Variants in RSPO2 observed in about 807,000 individuals in gnomAD.
RSPO2 encodes the protein R-spondin 2, also known as R-spondin-2.
RSPO2 carries 14 observed loss-of-function variants against 30.9 expected under a neutral mutation model. That is an observed-to-expected ratio of 0.45 (90% CI 0.30 to 0.71). The LOEUF (loss-of-function observed/expected upper bound fraction) is 0.71. Among genes scored for constraint, RSPO2 ranks in the 30% least tolerant of loss-of-function variants. The pLI is 0.08. For synonymous variants in RSPO2, 107 were observed against 96.4 expected, an observed-to-expected ratio of 1.11 and a Z score of -0.64; for missense variants, 264 against 301.9, an observed-to-expected ratio of 0.87 and a Z score of 0.93.
At chr8:107,933,822 C>A (rs1346241942) in intron 5 of RSPO2, among the ~76,000 whole-genome samples, 2 of 151,958 alleles carry the variant, frequency 1.3e-5, no homozygotes, top group Non-Finnish European at 2.9e-5. Flanking sequence ...GTACTTGGAC[C>A]CAATAATCTA....
intron 2 of RSPO2, among the ~76,000 whole-genome samples, chr8:108,005,236 C>A (rs1554581154): frequency 6.6e-6 from 1 of 152,114 alleles, no homozygotes; most frequent in Admixed American, 6.5e-5. Context: ...GTGATGCTAA[C>A]TTTGATCACT....
chr8:107,946,276 T>C (rs1030000139), intron 5 of RSPO2, among the ~76,000 whole-genome samples: 4 of 152,236 alleles, frequency 2.6e-5, no homozygotes, highest in Admixed American at 6.5e-5. Context: ...GTCTGGTTCA[T>C]ACATTTTAGG....
intron 5 of RSPO2, among the ~76,000 whole-genome samples, chr8:107,902,966 A>C (rs1421156114): frequency 2.0e-5 from 3 of 152,112 alleles, no homozygotes; most frequent in African/African-American, 7.2e-5. Flanking sequence ...ATGAAACCTT[A>C]GTTCAAGCCA....
intron 2 of RSPO2, among the ~76,000 whole-genome samples, chr8:108,035,314 G>T (rs1403940645): frequency 1.3e-5 from 2 of 152,102 alleles, no homozygotes; most frequent in Admixed American, 1.3e-4. Flanking sequence ...TTTTTGGGGG[G>T]TTTTCTTACT....
In RSPO2 at chr8:108,053,888, C is replaced by A. The variant is rs982192647; in HGVS notation, c.94+28657G>T. On this transcript the variant is annotated intron_variant, in intron 2 of 5. Coordinates refer to ENST00000276659, the MANE Select transcript of RSPO2 (RefSeq NM_178565.5). ...TAGCACCCCAGCCTGGGCAGCAGAG[C>A]GAGATCCTGTCTCTACCAAAGAAAA... is the stretch of plus-strand genomic sequence containing the variant. Among the ~76,000 whole-genome samples, 246 of 152,078 alleles carry A rather than the reference C, an allele frequency of 1.6e-3. 3 individuals carry two copies. Among genetic ancestry groups the A allele is most frequent in the Non-Finnish European group, 3.7e-4 (25 of 67,990 alleles).
rs1370386696 is a variant in RSPO2 at position 107,960,779 on chromosome 8, C to A, written c.322G>T (p.Asp108Tyr). The change falls in exon 4 of 6, where the codon GAC (aspartate) becomes TAC (tyrosine). Residue 108 changes from aspartate to tyrosine, a missense_variant. Transcript: ENST00000276659. ...CCTACTTTGCACTTGGTACAAAAGT[C>A]TTTGCTAAAGCAAGAATCACAGTTT... ...IENCDSCFSK[D>Y]FCTKCKVGFY... 1 of 1,608,896 alleles carries A rather than the reference C, an allele frequency of 6.2e-7. No homozygotes were observed. Among genetic ancestry groups the A allele is most frequent in the Non-Finnish European group, 8.5e-7 (1 of 1,178,458 alleles).
intron 3 of RSPO2, among the ~76,000 whole-genome samples, chr8:107,967,295 A>C (rs1813837387): frequency 6.6e-6 from 1 of 152,204 alleles, no homozygotes; most frequent in Non-Finnish European, 1.5e-5. Flanking sequence ...TTTTAGGCTT[A>C]TCTAACAATT....
At chr8:107,999,304 C>G (rs1272504834) in intron 2 of RSPO2, among the ~76,000 whole-genome samples, 1 of 151,882 alleles carries the variant, frequency 6.6e-6, no homozygotes, top group African/African-American at 2.4e-5. Context: ...TTTGTAAGCC[C>G]CTCAAATATG....
intron 2 of RSPO2, among the ~76,000 whole-genome samples, chr8:108,081,375 T>C (rs1388076649): frequency 6.6e-6 from 1 of 152,158 alleles, no homozygotes; most frequent in Non-Finnish European, 1.5e-5. Flanking sequence ...ACAAATCACA[T>C]CACAGATCGA....
In RSPO2 at chr8:107,983,041, C is replaced by T. The variant is rs1159791531; in HGVS notation, c.283+6015G>A. ...GGCCACAGTCTCTGCGGCTGTGTCA[C>T]GCTCCCCTGCAGTCCCCTCCATGTT... On this transcript the variant is annotated intron_variant, in intron 3 of 5. Transcript: ENST00000276659. The T allele has an allele frequency of 2.9e-5, 31 of 1,079,294 alleles. 1 individual carries two copies. In the South Asian group the frequency reaches 3.3e-4, roughly 11 times the overall value. The allele number at this position is 1,079,294 out of a possible 1,614,324, so 66.9% of individuals were successfully genotyped here.
At chr8:108,003,802 G>A (rs897593594) in intron 2 of RSPO2, among the ~76,000 whole-genome samples, 3 of 152,212 alleles carry the variant, frequency 2.0e-5, no homozygotes, top group East Asian at 1.9e-4. Flanking sequence ...AGATCAGAGA[G>A]TTTTAAAAAA....
chr8:108,047,672 A>C (rs1811946179), intron 2 of RSPO2, among the ~76,000 whole-genome samples: 1 of 151,922 alleles, frequency 6.6e-6, no homozygotes, highest in Non-Finnish European at 1.5e-5. Context: ...ACATAGTGAA[A>C]CCCCGTCTCT....
intron 5 of RSPO2, among the ~76,000 whole-genome samples, chr8:107,956,472 A>G (rs1423759491): frequency 1.3e-5 from 2 of 152,228 alleles, no homozygotes; most frequent in African/African-American, 2.4e-5. Context: ...GTTGTATTCA[A>G]CTAAGACAGT....
chr8:107,973,848 CT>C (rs1454642867), intron 3 of RSPO2, among the ~76,000 whole-genome samples: 1 of 152,158 alleles, frequency 6.6e-6, no homozygotes, highest in Non-Finnish European at 1.5e-5. Flanking sequence ...TCAAAACCCT[CT>C]TTGGAAAAAG....
At chr8:107,911,003 G>A (rs944796695) in intron 5 of RSPO2, among the ~76,000 whole-genome samples, 4 of 152,188 alleles carry the variant, frequency 2.6e-5, no homozygotes, top group Non-Finnish European at 4.4e-5. Context: ...TCAACTGAGA[G>A]TTGGAGCAAA....
chr8:107,940,073 A>G (rs1357662733), intron 5 of RSPO2, among the ~76,000 whole-genome samples: 1 of 152,016 alleles, frequency 6.6e-6, no homozygotes, highest in East Asian at 1.9e-4. Flanking sequence ...ATCATCATCA[A>G]TTTCACCAAC....
chr8:107,927,411 T>G (rs1332073514), intron 5 of RSPO2, among the ~76,000 whole-genome samples: 1 of 152,182 alleles, frequency 6.6e-6, no homozygotes, highest in Non-Finnish European at 1.5e-5. Flanking sequence ...CTGATTGCCC[T>G]GGCCAGAACT....
At chr8:107,972,727 G>T (rs974080694) in intron 3 of RSPO2, among the ~76,000 whole-genome samples, 1 of 152,034 alleles carries the variant, frequency 6.6e-6, no homozygotes, top group Non-Finnish European at 1.5e-5. Context: ...GCCAACATCA[G>T]ATATTACTCT....
At chr8:107,959,453 G>C (rs941652113) in intron 4 of RSPO2, among the ~76,000 whole-genome samples, 1 of 152,146 alleles carries the variant, frequency 6.6e-6, no homozygotes, top group African/African-American at 2.4e-5. Context: ...CAACTTCACC[G>C]TTAAAACTCC....
Sources: allele counts gnomAD v4.1 joint callset (sites outside exome capture counted in the v4.1 genomes callset), GRCh38; gene constraint gnomAD v4.1.1; transcripts MANE v1.5; gene names NCBI Gene and HGNC (gene_info 2026-07-23, HGNC 2026-07-21).